The following IQSEC3 variants were observed in gnomAD, a reference collection of about 807,000 sequenced individuals.
IQSEC3 encodes the protein IQ motif and SEC7 domain-containing protein 3.
A neutral mutation model predicts 105.4 loss-of-function variants in IQSEC3; 50 were observed. That is an observed-to-expected ratio of 0.47 (90% CI 0.38 to 0.60). IQSEC3 has a LOEUF of 0.60. Ranked by LOEUF, IQSEC3 falls within the 20% of genes least tolerant of loss-of-function variation. The probability of loss-of-function intolerance (pLI) is 0.00; values close to 1 mark genes in which losing one functional copy is unlikely to be tolerated. For missense variants in IQSEC3, 1,415 were observed against 1,630.0 expected (o/e 0.87, Z 2.27); for synonymous variants, 708 against 746.0 (o/e 0.95, Z 0.83).
In IQSEC3 at chr12:132,710, G is replaced by A. The variant is rs550795849; in HGVS notation, c.904-5557G>A. The stretch of plus-strand genomic sequence containing the variant: ...GGCTGGGTGCTTGTCAGGCCAATAA[G>A]GAAGTCAACAAGAGCTGGTTTGGGT... On this transcript the variant is annotated intron_variant, in intron 3 of 13. Coordinates refer to ENST00000538872, the MANE Select transcript of IQSEC3 (RefSeq NM_001170738.2). Among the ~76,000 whole-genome samples the A allele has an allele frequency of 1.4e-3, 217 of 152,232 alleles. 2 individuals are homozygous for A. Among genetic ancestry groups the A allele is most frequent in the Non-Finnish European group, 2.9e-3 (196 of 68,020 alleles).
In IQSEC3 at chr12:139,134, G is replaced by T; in HGVS notation, c.1771G>T (p.Ala591Ser). The T allele has an allele frequency of 6.6e-7, 1 of 1,524,012 alleles. No homozygotes were observed. The allele number at this position is 1,524,012 out of a possible 1,614,324, so 94.4% of individuals were successfully genotyped here. Residue 591 changes from alanine to serine, a missense_variant, in exon 4 of 14, where the codon GCA becomes TCA. This residue lies in a region of IQSEC3 where 720 missense variants were observed against 633.0 expected (regional missense o/e 1.14). Transcript: ENST00000538872. ...GGTGGGGAGAGGGGCCGAGGCCGAG[G>T]CAGGCGACTTGGAGCAGCTGAGCAG... ...AEVGRGAEAE[A>S]GDLEQLSSSS... is the part of the protein sequence containing the mutation.
rs542041866 is a variant in IQSEC3, at chr12:152,649, A to C, written c.2154-4376A>C. On this transcript the variant is annotated intron_variant, in intron 5 of 13. Transcript: ENST00000538872. This position sits in a 1 kb window ranked among gnomAD's most constrained non-coding sequence, Gnocchi z 4.8. Reference sequence around the variant, plus strand: ...AAGCACTTAGAGCCATACTCAGTACAGAGAGCTCAGAGGGAACTCCCCCGA... The same window carrying C: ...AAGCACTTAGAGCCATACTCAGTACCGAGAGCTCAGAGGGAACTCCCCCGA... Among the ~76,000 whole-genome samples, 95 of 152,224 alleles carry C rather than the reference A, an allele frequency of 6.2e-4. No homozygotes were observed. Among genetic ancestry groups the C allele is most frequent in the Non-Finnish European group, 1.1e-3 (74 of 68,040 alleles).
intron 2 of IQSEC3, among the ~76,000 whole-genome samples, chr12:107,308 C>A (rs537010935): frequency 5.9e-5 from 9 of 151,694 alleles, no homozygotes; most frequent in Non-Finnish European, 1.2e-4. Context: ...CCAGCAGATA[C>A]GTTAGTCTCC....
At chr12:157,841 C>T in intron 7 of IQSEC3, 147 bp downstream of exon 7, 1 of 944,644 alleles carries the variant, frequency 1.1e-6, no homozygotes, top group African/African-American at 1.7e-5. Context: ...GGGAACATTC[C>T]TTGTGAGCCA....
chr12:150,210 G>A (rs1866450693), intron 5 of IQSEC3, among the ~76,000 whole-genome samples: 1 of 152,208 alleles, frequency 6.6e-6, no homozygotes, highest in Non-Finnish European at 1.5e-5. Flanking sequence ...TGGTCTCCGA[G>A]CTGATGAGAA....
intron 13 of IQSEC3, among the ~76,000 whole-genome samples, chr12:172,749 T>C (rs1284481334): frequency 2.0e-5 from 3 of 152,218 alleles, no homozygotes; most frequent in Non-Finnish European, 4.4e-5. Context: ...CTTTCTTTCA[T>C]GAGCAGGGAG....
intron 3 of IQSEC3, among the ~76,000 whole-genome samples, chr12:128,531 C>G (rs1555084133): frequency 6.7e-6 from 1 of 148,334 alleles, no homozygotes; most frequent in Admixed American, 6.7e-5. Flanking sequence ...GTTGGACAAT[C>G]TTAGCTCCCC....
intron 2 of IQSEC3, among the ~76,000 whole-genome samples, chr12:122,243 C>T (rs574758267): frequency 2.0e-5 from 3 of 152,170 alleles, no homozygotes; most frequent in South Asian, 2.1e-4. Flanking sequence ...CTTGATAGGC[C>T]GGCCTCTGCC....
chr12:170,974 G>A (rs1591759804), intron 12 of IQSEC3, 138 bp from the exon 13 acceptor site: 4 of 985,846 alleles, frequency 4.1e-6, no homozygotes, highest in East Asian at 2.5e-5. Flanking sequence ...GTGGCAGAGT[G>A]GGGCTCCCAA....
At chr12:154,439 G>A (rs978353762) in intron 5 of IQSEC3, among the ~76,000 whole-genome samples, 24 of 152,342 alleles carry the variant, frequency 1.6e-4, no homozygotes, top group African/African-American at 4.6e-4. Flanking sequence ...TGGGAGGAAC[G>A]TGGATGTGGG....
rs143455948 is a variant in IQSEC3 at position 122,459 on chromosome 12, T to C, written c.624-3174T>C. Among the ~76,000 whole-genome samples the C allele has an allele frequency of 8.4e-3, 1,281 of 152,362 alleles. 18 individuals are homozygous for C. The highest frequency in any genetic ancestry group is 0.029 in the African/African-American group (1,197 of 41,580). ...GAGATTGTGTGTGAGGGGTGGCCCA[T>C]GAACAAAGGCCCACAACAAGGCTAT... is the stretch of plus-strand genomic sequence containing the variant. On this transcript the variant is annotated intron_variant, in intron 2 of 13. Transcript: ENST00000538872.
In IQSEC3 at chr12:138,443, GGCCGAGA is replaced by G; in HGVS notation, c.1084_1090del (p.Glu362TrpfsTer119). 6.2e-7 allele frequency: 1 copy of G among 1,605,238 alleles called. No homozygotes were observed. The highest frequency in any genetic ancestry group is 8.5e-7 in the Non-Finnish European group (1 of 1,179,324). On this transcript the variant is annotated frameshift_variant, in exon 4 of 14. Transcript: ENST00000538872. LOFTEE classifies it high-confidence loss of function. This position sits in a 1 kb window ranked among gnomAD's most constrained non-coding sequence, Gnocchi z 7.1. ...CCCTGCGCAAGGTGCGGTCACCCAC[GGCCGAGA>G]GCCTGGCGGCCGAGAAAGCGCTCAT...
chr12:89,698 G>A (rs782413818), intron 1 of IQSEC3, among the ~76,000 whole-genome samples: 1 of 152,160 alleles, frequency 6.6e-6, no homozygotes, highest in Admixed American at 6.5e-5. Context: ...CATACAATAT[G>A]GAGTCTTTTG....
intron 3 of IQSEC3, among the ~76,000 whole-genome samples, chr12:132,945 C>T (rs1865647409): frequency 6.6e-6 from 1 of 152,208 alleles, no homozygotes; most frequent in Non-Finnish European, 1.5e-5. Flanking sequence ...GATACAGGGT[C>T]AGCAGGATAA....
intron 13 of IQSEC3, among the ~76,000 whole-genome samples, chr12:172,285 C>T (rs1402629691): frequency 9.3e-5 from 14 of 151,234 alleles, no homozygotes; most frequent in Non-Finnish European, 8.9e-5. Flanking sequence ...GAGCTTCCTG[C>T]CCCAGCCGCT....
intron 5 of IQSEC3, among the ~76,000 whole-genome samples, chr12:146,111 T>G (rs1241212973): frequency 1.3e-5 from 2 of 152,258 alleles, no homozygotes; most frequent in African/African-American, 4.8e-5. Flanking sequence ...AGATTTGTTC[T>G]TCTTAGAGGA....
Position 157,404 on chromosome 12 carries a change from TG to T in IQSEC3, c.2277-122del, listed in dbSNP as rs1243836317. 11 of 1,183,050 alleles carry T rather than the reference TG, an allele frequency of 9.3e-6. No individual in the cohort carries two copies. The Admixed American group carries it at 1.1e-4, about 12-fold the overall frequency. The allele number at this position is 1,183,050 out of a possible 1,614,324, so 73.3% of individuals were successfully genotyped here. The stretch of plus-strand genomic sequence containing the variant: ...AAAGACCAGAGTATGGGACAGACAC[TG>T]GTCTCCCTGGACCTAAAGCCTTCGG... On this transcript the variant is annotated intron_variant, in intron 6 of 13. Coordinates refer to ENST00000538872, the MANE Select transcript of IQSEC3 (RefSeq NM_001170738.2).
chr12:170,370 A>T (rs1938918242), intron 12 of IQSEC3, among the ~76,000 whole-genome samples: 2 of 70,358 alleles, frequency 2.8e-5, no homozygotes, highest in Admixed American at 2.1e-4. Context: ...GTCCCCAGGG[A>T]CGTGTCCCTT....
Position 125,906 on chromosome 12 carries a change from T to A in IQSEC3, c.897T>A (p.Asn299Lys). Residue 299 changes from asparagine to lysine, a missense_variant, in exon 3 of 14, where the codon AAT (asparagine) becomes AAA (lysine). Asn to Lys is a moderately conservative substitution (Grantham distance 94). This residue lies in a region of IQSEC3 where 720 missense variants were observed against 633.0 expected (regional missense o/e 1.14). Coordinates refer to ENST00000538872, the MANE Select transcript of IQSEC3 (RefSeq NM_001170738.2). ...ACGAACTCTCCCTTGACCTAAAGAA[T>A]AAACAGGTACCCAGGGCCTCCTAGG... The part of the protein sequence containing the change: ...SDYELSLDLK[N>K]KQIEMLEHKY... The A allele has an allele frequency of 6.5e-7, 1 of 1,532,964 alleles. No individual in the cohort carries two copies. Among genetic ancestry groups the A allele is most frequent in the Non-Finnish European group, 8.7e-7 (1 of 1,146,180 alleles). 95.0% of individuals were successfully genotyped at this position (1,532,964 alleles called of 1,614,324 possible).
Sources: gnomAD v4.1 joint callset for allele counts (sites outside exome capture counted in the v4.1 genomes callset) on GRCh38, gnomAD v4.1.1 for gene constraint, gnomAD v4.1.1 regional missense constraint, Gnocchi (gnomAD v3.1) non-coding constraint, MANE v1.5 for transcripts, NCBI Gene and HGNC (gene_info 2026-07-23, HGNC 2026-07-21) for gene names.